ACSL3: variants seen among roughly 807,000 people sequenced by gnomAD.
ACSL3 encodes acyl-CoA synthetase long chain family member 3, also known as fatty acid CoA ligase Acsl3.
ACSL3 carries 34 observed loss-of-function variants against 84.7 expected under a neutral mutation model. That is an observed-to-expected ratio of 0.40 (90% CI 0.31 to 0.53). The LOEUF (loss-of-function observed/expected upper bound fraction) is 0.53. Ranked by LOEUF, ACSL3 falls within the 20% of genes least tolerant of loss-of-function variation. The probability of loss-of-function intolerance (pLI) is 0.48; values close to 1 mark genes in which losing one functional copy is unlikely to be tolerated. For synonymous variants in ACSL3, 315 were observed against 299.4 expected (o/e 1.05, Z -0.54); for missense variants, 680 against 873.1 (o/e 0.78, Z 2.79).
At chr2:222,913,264 C>T (rs1262720340) in intron 4 of ACSL3, among the ~76,000 whole-genome samples, 1 of 151,884 alleles carries the variant, frequency 6.6e-6, no homozygotes, top group Non-Finnish European at 1.5e-5. Context: ...TTCTTTTCCT[C>T]TTTCTTAATG....
intron 1 of ACSL3, among the ~76,000 whole-genome samples, chr2:222,873,260 A>G (rs1405267373): frequency 2.0e-5 from 3 of 152,206 alleles, no homozygotes; most frequent in African/African-American, 7.2e-5. Context: ...ACCATATATT[A>G]TGTTGATTTT....
At chr2:222,928,759 A>T (rs1696948700) in intron 12 of ACSL3, 103 bp from the exon 13 acceptor site, 1 of 940,324 alleles carries the variant, frequency 1.1e-6, no homozygotes, top group South Asian at 1.5e-5. Flanking sequence ...ATAGCTGGGG[A>T]TACCTCAGCC....
chr2:222,930,282 C>T (rs865836040), intron 13 of ACSL3, among the ~76,000 whole-genome samples: 2 of 152,160 alleles, frequency 1.3e-5, no homozygotes, highest in South Asian at 2.1e-4. Context: ...CTTAATACTT[C>T]TGTCAGTTTA....
chr2:222,941,498 A>G lies in ACSL3; in HGVS notation c.2007A>G (p.Ala669=). The G allele has an allele frequency of 1.3e-6, 2 of 1,597,478 alleles. No homozygotes were observed. The highest frequency in any genetic ancestry group is 2.7e-5 in the African/African-American group (2 of 73,532). Residue 669 remains alanine (A), a splice_region_variant and synonymous_variant, in exon 17 of 17, where the codon GCA becomes GCG. Transcript: ENST00000357430. ...LKVLSEAAIS[A]SLEKFEIPVK... is the part of the protein sequence containing the mutation. ...TTTCTTTTTTTTTAATCATCTTAGC[A>G]AGTCTGGAAAAGTTTGAAATTCCAG...
chr2:222,934,643 T>C lies in ACSL3; in HGVS notation c.1961T>C (p.Met654Thr). 6.2e-7 allele frequency: 1 copy of C among 1,609,386 alleles called. No individual in the cohort carries two copies. The highest frequency in any genetic ancestry group is 8.5e-7 in the Non-Finnish European group (1 of 1,178,442). ...TWEELCNSCE[M>T]ENEVLKVLSE... is the part of the protein sequence containing the mutation. ...GAGGAGCTGTGTAACAGTTGTGAAA[T>C]GGAAAATGAGGTACTTAAAGTGCTT... Residue 654 changes from methionine (M) to threonine (T), a missense_variant, in exon 16 of 17, where the codon ATG (methionine) becomes ACG (threonine). Physicochemically the swap from Met to Thr is moderately conservative, Grantham distance 81. Around this residue, in one of 2 missense-constraint regions of ACSL3, gnomAD observed 347 missense variants for 525.7 expected, o/e 0.66. Coordinates refer to ENST00000357430, the MANE Select transcript of ACSL3 (RefSeq NM_004457.5).
chr2:222,918,347 CAG>C (rs1696641088), intron 6 of ACSL3, among the ~76,000 whole-genome samples, 192 bp downstream of exon 6: 2 of 151,740 alleles, frequency 1.3e-5, no homozygotes, highest in African/African-American at 4.8e-5. Flanking sequence ...ATAAGTAATC[CAG>C]AGTTATAAAT....
intron 7 of ACSL3, 100 bp from the exon 8 acceptor site, chr2:222,921,180 C>G (rs1305928588): frequency 2.2e-6 from 3 of 1,345,596 alleles, no homozygotes; most frequent in Non-Finnish European, 3.1e-6. Flanking sequence ...TAAATTAACT[C>G]AATTTGATTG....
At chr2:222,937,064 C>G (rs1697191907) in intron 16 of ACSL3, among the ~76,000 whole-genome samples, 1 of 152,154 alleles carries the variant, frequency 6.6e-6, no homozygotes, top group Non-Finnish European at 1.5e-5. Context: ...TAAACCTTAT[C>G]AGGACATTGC....
intron 1 of ACSL3, among the ~76,000 whole-genome samples, chr2:222,867,504 T>C (rs928263299): frequency 2.6e-5 from 4 of 152,200 alleles, no homozygotes; most frequent in Non-Finnish European, 5.9e-5. Context: ...TTTATATAGA[T>C]GGTACTGCAT....
At chr2:222,870,705 T>G (rs558210180) in intron 1 of ACSL3, among the ~76,000 whole-genome samples, 76 of 152,252 alleles carry the variant, frequency 5.0e-4, no homozygotes, top group African/African-American at 1.8e-3. Context: ...AGAAGACAGG[T>G]AAGGGAGACA....
At chr2:222,886,184 G>A (rs1187883239) in intron 1 of ACSL3, among the ~76,000 whole-genome samples, 1 of 151,810 alleles carries the variant, frequency 6.6e-6, no homozygotes, top group African/African-American at 2.4e-5. Flanking sequence ...TAAGTTTTAA[G>A]CCCCACATGC....
rs749205220 is a variant in ACSL3, at chr2:222,930,614, T to C, written c.1541-7T>C. ...CTCAACTATTAACTCAATTATTATT[T>C]TATTAGGTGGATACTTTAATACTGA... On this transcript the variant is annotated splice_polypyrimidine_tract_variant and splice_region_variant and intron_variant, in intron 13 of 16. Coordinates refer to ENST00000357430, the MANE Select transcript of ACSL3 (RefSeq NM_004457.5). 3 of 1,578,440 alleles carry C rather than the reference T, an allele frequency of 1.9e-6. No individual in the cohort carries two copies. Among genetic ancestry groups the C allele is most frequent in the Admixed American group, 1.9e-5 (1 of 53,428 alleles).
At chr2:222,923,364 G>C (rs989670861) in intron 10 of ACSL3, among the ~76,000 whole-genome samples, 1 of 152,170 alleles carries the variant, frequency 6.6e-6, no homozygotes, top group Admixed American at 6.5e-5. Flanking sequence ...TTCAGCTTCT[G>C]TGTGTAATTA....
At chr2:222,937,046 C>T (rs1455604265) in intron 16 of ACSL3, among the ~76,000 whole-genome samples, 1 of 152,092 alleles carries the variant, frequency 6.6e-6, no homozygotes, top group Non-Finnish European at 1.5e-5. Context: ...TGGGTGGGGA[C>T]CCAGAACTAA....
At chr2:222,865,962 A>G (rs1320530074) in intron 1 of ACSL3, among the ~76,000 whole-genome samples, 1 of 152,234 alleles carries the variant, frequency 6.6e-6, no homozygotes. Flanking sequence ...CTGTCCTGTC[A>G]TGGTCAACTT....
intron 1 of ACSL3, among the ~76,000 whole-genome samples, chr2:222,872,000 G>A (rs908699385): frequency 4.6e-5 from 7 of 151,724 alleles, no homozygotes; most frequent in Non-Finnish European, 7.4e-5. Flanking sequence ...AATAGTCACC[G>A]TAAAAAAGAT....
chr2:222,914,437 A>T (rs138514306), intron 4 of ACSL3, among the ~76,000 whole-genome samples: 7 of 151,682 alleles, frequency 4.6e-5, no homozygotes, highest in African/African-American at 7.3e-5. Flanking sequence ...TAATTTTTAC[A>T]CTTTTTTAGA....
At chr2:222,909,687 A>C (rs115540030) in intron 4 of ACSL3, 1 of 152,310 alleles carries the variant, frequency 6.6e-6, no homozygotes, top group African/African-American at 2.4e-5. Flanking sequence ...GACCCAGACT[A>C]TAGGTCTGAA....
chr2:222,866,620 G>A (rs1275428239), intron 1 of ACSL3, among the ~76,000 whole-genome samples: 1 of 151,920 alleles, frequency 6.6e-6, no homozygotes, highest in Non-Finnish European at 1.5e-5. Flanking sequence ...TGGAGTGACA[G>A]TTTGAAGTTC....
Sources: gnomAD v4.1 joint callset for allele counts (sites outside exome capture counted in the v4.1 genomes callset) on GRCh38, gnomAD v4.1.1 for gene constraint, gnomAD v4.1.1 regional missense constraint, MANE v1.5 for transcripts, NCBI Gene and HGNC (gene_info 2026-07-23, HGNC 2026-07-21) for gene names.